PACSIN2: variants seen among roughly 807,000 people sequenced by gnomAD.
The protein encoded by PACSIN2 is protein kinase C and casein kinase substrate in neurons 2.
A neutral mutation model predicts 63.8 loss-of-function variants in PACSIN2; 25 were observed. The observed-to-expected ratio is 0.39, with a 90% CI of 0.29 to 0.55. The LOEUF (loss-of-function observed/expected upper bound fraction) is 0.55, where lower values mean the gene tolerates loss of function less well. PACSIN2 is among the 20% of genes least tolerant of loss of function. PACSIN2 has a pLI of 0.62. For synonymous variants in PACSIN2, 255 were observed against 256.2 expected (o/e 1.00, Z 0.05); for missense variants, 518 against 646.9 (o/e 0.80, Z 2.16).
At chr22:42,995,615 G>A (rs546846710) in intron 1 of PACSIN2, among the ~76,000 whole-genome samples, 8 of 152,198 alleles carry the variant, frequency 5.3e-5, no homozygotes, top group African/African-American at 1.2e-4. Flanking sequence ...TCATTCACGC[G>A]GCAATTATTT....
intron 1 of PACSIN2, among the ~76,000 whole-genome samples, chr22:42,912,789 C>T (rs1046053334): frequency 2.4e-4 from 37 of 152,276 alleles, no homozygotes; most frequent in East Asian, 7.7e-4. Context: ...ATGACCTGTC[C>T]GCAGCCGAGA....
chr22:42,878,998 G>A (rs756260590), intron 8 of PACSIN2, 50 bp downstream of exon 8: 4 of 1,585,860 alleles, frequency 2.5e-6, no homozygotes, highest in Non-Finnish European at 2.6e-6. Context: ...GATTGCCCAG[G>A]GCCCCCACCA....
intron 10 of PACSIN2, among the ~76,000 whole-genome samples, chr22:42,873,454 G>A (rs540374333): frequency 6.6e-6 from 1 of 152,288 alleles, no homozygotes; most frequent in African/African-American, 2.4e-5. Flanking sequence ...AAGAGTGTCT[G>A]GGGACAGCAG....
Position 42,945,468 on chromosome 22 carries a change from C to T in PACSIN2, c.-77-33311G>A, listed in dbSNP as rs543257400. On this transcript the variant is annotated intron_variant, in intron 1 of 10. Transcript: ENST00000263246. ...TGGCCCAGACCCGCATCTCTGCCTA[C>T]TGGATGCCTCCACTTGGCCATCACA... is the stretch of plus-strand genomic sequence containing the variant. Among the ~76,000 whole-genome samples the T allele has an allele frequency of 3.9e-5, 6 of 152,310 alleles. No individual in the cohort carries two copies. In the East Asian group the frequency reaches 9.6e-4, roughly 24 times the overall value.
At chr22:42,920,606 G>C (rs1028473941) in intron 1 of PACSIN2, among the ~76,000 whole-genome samples, 17 of 152,066 alleles carry the variant, frequency 1.1e-4, no homozygotes, top group African/African-American at 4.1e-4. Flanking sequence ...GCAGAAACAA[G>C]GCCGCACCGC....
chr22:42,935,297 G>A (rs193232156), intron 1 of PACSIN2, among the ~76,000 whole-genome samples: 3 of 152,196 alleles, frequency 2.0e-5, no homozygotes, highest in Admixed American at 1.3e-4. Flanking sequence ...TCGAGGACCT[G>A]CCTCCTCCCT....
intron 1 of PACSIN2, among the ~76,000 whole-genome samples, chr22:42,970,148 A>G (rs1387148010): frequency 1.3e-5 from 2 of 152,204 alleles, no homozygotes; most frequent in African/African-American, 4.8e-5. Context: ...CCTGGCCTGA[A>G]GGGATCAGCA....
intron 8 of PACSIN2, 123 bp from the exon 9 acceptor site, chr22:42,877,133 G>T: frequency 9.6e-7 from 1 of 1,045,024 alleles, no homozygotes; most frequent in Non-Finnish European, 1.4e-6. Context: ...AGGGGACCGT[G>T]GTGTTTCAAC....
chr22:42,935,934 C>G (rs998665170), intron 1 of PACSIN2, among the ~76,000 whole-genome samples: 4 of 152,162 alleles, frequency 2.6e-5, no homozygotes, highest in African/African-American at 9.7e-5. Flanking sequence ...AGAATTCCAG[C>G]AGGGCACGGT....
At chr22:42,945,843 T>C (rs1403689023) in intron 1 of PACSIN2, 1 of 152,492 alleles carries the variant, frequency 6.6e-6, no homozygotes, top group Non-Finnish European at 1.5e-5. Context: ...ACTGTGACTC[T>C]ACCATGGTGG....
At chr22:42,919,039 C>G (rs1294250342) in intron 1 of PACSIN2, among the ~76,000 whole-genome samples, 1 of 152,202 alleles carries the variant, frequency 6.6e-6, no homozygotes, top group Non-Finnish European at 1.5e-5. Flanking sequence ...TTTACCATAC[C>G]TGTGCACACG....
intron 1 of PACSIN2, among the ~76,000 whole-genome samples, chr22:42,953,112 G>C (rs916025009): frequency 2.0e-5 from 3 of 151,938 alleles, no homozygotes; most frequent in African/African-American, 7.3e-5. Flanking sequence ...CAAATTTGCA[G>C]GATTTAAAAA....
chr22:42,878,756 G>C (rs1340367300), intron 8 of PACSIN2, among the ~76,000 whole-genome samples: 1 of 152,224 alleles, frequency 6.6e-6, no homozygotes, highest in African/African-American at 2.4e-5. Context: ...CCTGTCATCA[G>C]CTCCTCCCCA....
intron 1 of PACSIN2, among the ~76,000 whole-genome samples, chr22:42,971,105 C>T (rs1163674375): frequency 6.6e-6 from 1 of 152,244 alleles, no homozygotes; most frequent in African/African-American, 2.4e-5. Flanking sequence ...CTCCCTCTCC[C>T]TCTCCCTCCA....
intron 1 of PACSIN2, among the ~76,000 whole-genome samples, chr22:43,009,791 T>G (rs1053936324): frequency 3.3e-5 from 5 of 152,020 alleles, no homozygotes; most frequent in African/African-American, 7.2e-5. Context: ...TACAGCAAAA[T>G]CTCTAGCCTT....
intron 1 of PACSIN2, among the ~76,000 whole-genome samples, chr22:42,913,182 GA>G (rs1238934219): frequency 6.6e-6 from 1 of 152,012 alleles, no homozygotes; most frequent in Non-Finnish European, 1.5e-5. Context: ...GCCTTATCTG[GA>G]AAAAAGAGAC....
At chr22:42,913,705 T>C (rs1324466917) in intron 1 of PACSIN2, among the ~76,000 whole-genome samples, 2 of 152,220 alleles carry the variant, frequency 1.3e-5, no homozygotes, top group East Asian at 3.8e-4. Flanking sequence ...TTACTATCAT[T>C]ACTTCTGTCT....
chr22:42,993,607 G>C (rs1422208523), intron 1 of PACSIN2: 1 of 152,150 alleles, frequency 6.6e-6, no homozygotes, highest in African/African-American at 2.4e-5. Context: ...CCCAAGAAAG[G>C]GCAGCTGCTA....
At chr22:42,993,172 CAA>C (rs1301711012) in intron 1 of PACSIN2, among the ~76,000 whole-genome samples, 9 of 133,814 alleles carry the variant, frequency 6.7e-5, no homozygotes, top group Admixed American at 7.5e-5. Context: ...GACTCCATCT[CAA>C]AAAAAAAAAA....
Sources: gnomAD v4.1 joint callset for allele counts (sites outside exome capture counted in the v4.1 genomes callset) on GRCh38, gnomAD v4.1.1 for gene constraint, MANE v1.5 for transcripts, NCBI Gene and HGNC (gene_info 2026-07-23, HGNC 2026-07-21) for gene names.